The following MYH4 variants were observed in gnomAD, a reference collection of about 807,000 sequenced individuals.
MYH4 encodes the protein myosin-4.
MYH4 carries 200 observed loss-of-function variants against 229.9 expected under a neutral mutation model. The ratio of observed to expected loss-of-function variants is 0.87; its 90% confidence interval spans 0.78 to 0.98. MYH4 has a LOEUF of 0.98. Among genes scored for constraint, MYH4 ranks in the 50% least tolerant of loss-of-function variants. The pLI is 0.00. For missense variants in MYH4, 2,148 were observed against 2,332.6 expected (o/e 0.92, Z 1.63); for synonymous variants, 761 against 834.6 (o/e 0.91, Z 1.52).
intron 7 of MYH4, 101 bp from the exon 8 acceptor site, chr17:10,463,744 A>G (rs1242333378): frequency 2.3e-6 from 2 of 887,812 alleles, no homozygotes; most frequent in African/African-American, 3.4e-5. Context: ...GTATTCTGTA[A>G]CTTTGGGAAA....
At chr17:10,457,850 G>A (rs2072659440) in intron 15 of MYH4, 121 bp from the exon 16 acceptor site, 3 of 1,306,926 alleles carry the variant, frequency 2.3e-6, no homozygotes, top group Non-Finnish European at 3.1e-6. Flanking sequence ...AAATTAAATA[G>A]GCATGACATG....
Position 10,464,680 on chromosome 17 carries a change from C to T in MYH4, c.533+1G>A, listed in dbSNP as rs760024448. On this transcript the variant is annotated splice_donor_variant, in intron 6 of 39. Transcript: ENST00000255381. LOFTEE classifies it high-confidence loss of function. ...GAAAGAAAGTAACGAAATCTACATA[C>T]GTAATCAAGATTGACTGGTTTTCAC... The T allele has an allele frequency of 5.0e-6, 8 of 1,613,568 alleles. No homozygotes were observed. The highest frequency in any genetic ancestry group is 1.3e-5 in the African/African-American group (1 of 74,898).
rs1214972417 is a variant in MYH4 at position 10,450,596 on chromosome 17, C to T, written c.4038G>A (p.Leu1346=). The T allele has an allele frequency of 1.2e-6, 2 of 1,614,208 alleles. No homozygotes were observed. The highest frequency in any genetic ancestry group is 2.2e-5 in the East Asian group (1 of 44,886). The change falls in exon 30 of 40, where the codon CTG becomes CTA. Residue 1346 remains leucine, a synonymous_variant. Transcript: ENST00000255381. ...GCTCCTCCTCATACTGTTCCCGCAGCAGGTCACAGTCATGGCGGGCTGACT... is the reference window on the plus strand; with the variant it reads ...GCTCCTCCTCATACTGTTCCCGCAGTAGGTCACAGTCATGGCGGGCTGACT... The part of the protein sequence containing the change: ...ALQSARHDCD[L]LREQYEEEQE...
intron 16 of MYH4, 24 bp from the exon 17 acceptor site, chr17:10,456,579 AAAGT>A (rs768742194): frequency 6.2e-7 from 1 of 1,604,070 alleles, no homozygotes; most frequent in Non-Finnish European, 8.5e-7. Context: ...TGGGAAAAAT[AAAGT>A]TATTTGCAAC....
chr17:10,463,591 C>T lies in MYH4; in HGVS notation c.701G>A (p.Gly234Asp). The change falls in exon 8 of 40, where the codon GGC becomes GAC. Residue 234 changes from glycine to aspartate, a missense_variant. Gly to Asp is a moderately conservative substitution (Grantham distance 94, BLOSUM62 -1). Coordinates refer to ENST00000255381, the MANE Select transcript of MYH4 (RefSeq NM_017533.2). ...GTCATTCCTCACGGTCTTGGCATTG[C>T]CGAAGGCTTCCAGTAGGGGGTTAGC... ...ISANPLLEAF[G>D]NAKTVRNDNS... 2 of 1,613,864 alleles carry T rather than the reference C, an allele frequency of 1.2e-6. No individual in the cohort carries two copies. The highest frequency in any genetic ancestry group is 2.2e-5 in the East Asian group (1 of 44,872).
intron 11 of MYH4, among the ~76,000 whole-genome samples, chr17:10,462,456 T>C (rs772035839): frequency 2.0e-5 from 3 of 152,182 alleles, no homozygotes; most frequent in Non-Finnish European, 4.4e-5. Flanking sequence ...AAGGCTTATG[T>C]TTACATGTGA....
intron 23 of MYH4, 35 bp from the exon 24 acceptor site, chr17:10,453,363 A>G (rs2142218095): frequency 1.2e-6 from 2 of 1,613,816 alleles, no homozygotes; most frequent in East Asian, 4.5e-5. Flanking sequence ...AATGTCAATG[A>G]CAACGTATTA....
intron 34 of MYH4, among the ~76,000 whole-genome samples, chr17:10,447,446 T>G (rs2072524380): frequency 6.6e-6 from 1 of 152,178 alleles, no homozygotes; most frequent in Non-Finnish European, 1.5e-5. Context: ...CATGGCTAGC[T>G]CTACAAAATT....
At chr17:10,464,450 C>T (rs1157735219) in intron 7 of MYH4, 22 bp downstream of exon 7, 1 of 1,594,208 alleles carries the variant, frequency 6.3e-7, no homozygotes, top group Admixed American at 1.7e-5. Flanking sequence ...TTATTCTGTC[C>T]TTAGATGAAT....
At chr17:10,462,278 T>G (rs1193770807) in intron 11 of MYH4, among the ~76,000 whole-genome samples, 2 of 152,062 alleles carry the variant, frequency 1.3e-5, no homozygotes, top group East Asian at 3.8e-4. Context: ...GCAATAATCC[T>G]TAAAAAAGAG....
chr17:10,450,489 T>C lies in MYH4; in HGVS notation c.4145A>G (p.Asp1382Gly). 1 of 1,614,064 alleles carries C rather than the reference T, an allele frequency of 6.2e-7. No homozygotes were observed. The highest frequency in any genetic ancestry group is 1.1e-5 in the South Asian group (1 of 91,086). Reference sequence around the variant, plus strand: ...CAGCTCCTCTGTGCGCTGGATGGCGTCCGTCTCGTACTTGGTCCTCCACTG... The same window carrying C: ...CAGCTCCTCTGTGCGCTGGATGGCGCCCGTCTCGTACTTGGTCCTCCACTG... Reference protein sequence around the residue: ...VAQWRTKYETDAIQRTEELEE... With the variant: ...VAQWRTKYETGAIQRTEELEE... The change falls in exon 30 of 40, where the codon GAC becomes GGC. Residue 1382 changes from aspartate to glycine, a missense_variant. Physicochemically the swap from Asp to Gly is moderately conservative, Grantham distance 94. Coordinates refer to ENST00000255381, the MANE Select transcript of MYH4 (RefSeq NM_017533.2).
In MYH4 at chr17:10,448,620, T is replaced by C; in HGVS notation, c.4529A>G (p.Gln1510Arg). The C allele has an allele frequency of 6.2e-7, 1 of 1,613,400 alleles. No individual in the cohort carries two copies. Residue 1510 changes from glutamine (Q) to arginine (R), a missense_variant and splice_region_variant, in exon 32 of 40, where the codon CAA becomes CGA. By Grantham distance (43) the Gln-to-Arg change is conservative. Coordinates refer to ENST00000255381, the MANE Select transcript of MYH4 (RefSeq NM_017533.2). ...ATAGAATGATTACAGTGACTCACGT[T>C]GTAAGTTCTTATTCTCTCGCTTTAG... is the stretch of plus-strand genomic sequence containing the variant. ...ETLKRENKNL[Q>R]QEISDLTEQI...
At position 10,452,259 on chromosome 17, in the gene MYH4, G is replaced by C. The variant is rs553130444; in HGVS notation, c.3420C>G (p.Arg1140=). The change falls in exon 27 of 40, where the codon CGC becomes CGG. Residue 1140 remains arginine (R), a synonymous_variant. Transcript: ENST00000255381. ...CCTCCAGCTCCCGGGAGAGGTCAGA[G>C]CGCTGCTTCTCTGCTTTGGCCCGGG... The part of the protein sequence containing the change: ...RASRAKAEKQ[R]SDLSRELEEI... The C allele has an allele frequency of 6.2e-7, 1 of 1,614,042 alleles. No homozygotes were observed. The highest frequency in any genetic ancestry group is 1.7e-5 in the Admixed American group (1 of 60,032).
chr17:10,458,608 G>T (rs1202694308), intron 15 of MYH4, among the ~76,000 whole-genome samples: 1 of 152,092 alleles, frequency 6.6e-6, no homozygotes, highest in Admixed American at 6.5e-5. Context: ...ACACTTTATT[G>T]ATATCAATAA....
Position 10,451,968 on chromosome 17 carries a change from A to G in MYH4, c.3711T>C (p.Ser1237=). Residue 1237 remains serine, a synonymous_variant, in exon 27 of 40, where the codon AGT becomes AGC. Transcript: ENST00000255381. ...TGGCTTTGGAGACAGTCTCCATGTT[A>G]CTAGCAAGGTCATTGATCTCCATCT... ...ELKMEINDLA[S]NMETVSKAKA... is the part of the protein sequence containing the mutation. 6.2e-7 allele frequency: 1 copy of G among 1,612,194 alleles called. No homozygotes were observed. Among genetic ancestry groups the G allele is most frequent in the East Asian group, 2.2e-5 (1 of 44,804 alleles).
Position 10,460,580 on chromosome 17 carries a change from A to G in MYH4, c.1148-259T>C, listed in dbSNP as rs2072690488. 2.0e-5 allele frequency among the ~76,000 whole-genome samples: 3 copies of G among 152,326 alleles called. No individual in the cohort carries two copies. The South Asian group carries it at 6.2e-4, about 32-fold the overall frequency. ...AACCTGGCAAAAGTAGACCACAGAT[A>G]AAAATAATTTGAGAAACCCTAACCT... On this transcript the variant is annotated intron_variant, in intron 12 of 39. Coordinates refer to ENST00000255381, the MANE Select transcript of MYH4 (RefSeq NM_017533.2).
In MYH4 at chr17:10,462,310, G is replaced by A. The variant is rs550132365; in HGVS notation, c.1008+555C>T. Among the ~76,000 whole-genome samples the A allele has an allele frequency of 7.9e-5, 12 of 152,210 alleles. No individual in the cohort carries two copies. In the South Asian group the frequency reaches 1.9e-3, roughly 24 times the overall value. On this transcript the variant is annotated intron_variant, in intron 11 of 39. Coordinates refer to ENST00000255381, the MANE Select transcript of MYH4 (RefSeq NM_017533.2). ...AGAGGTGATGGTGGGGAGAGAGTGC[G>A]TTGTTTCAAAAATAAATATAAAGGC...
At position 10,453,895 on chromosome 17, in the gene MYH4, G is replaced by A; in HGVS notation, c.2692-10C>T. On this transcript the variant is annotated splice_polypyrimidine_tract_variant and intron_variant, in intron 22 of 39. Transcript: ENST00000255381. ...CCAAGGCATCTGCTTCCTAAAGGGA[G>A]AAATTAAGCATTTTCATTTGTCTGA... 1.9e-6 allele frequency: 3 copies of A among 1,613,388 alleles called. No homozygotes were observed. The highest frequency in any genetic ancestry group is 2.5e-6 in the Non-Finnish European group (3 of 1,179,730).
At position 10,453,192 on chromosome 17, in the gene MYH4, A is replaced by G. The variant is rs150138598; in HGVS notation, c.3071T>C (p.Leu1024Pro). The G allele has an allele frequency of 2.5e-6, 4 of 1,613,972 alleles. No individual in the cohort carries two copies. The African/African-American group carries it at 4.0e-5, about 16-fold the overall frequency. The change falls in exon 24 of 40, where the codon CTG (leucine) becomes CCG (proline). Residue 1024 changes from leucine to proline, a missense_variant. Coordinates refer to ENST00000255381, the MANE Select transcript of MYH4 (RefSeq NM_017533.2). Reference protein sequence around the residue: ...LQMEEDKVNTLTKAKTKLEQQ... With the variant: ...LQMEEDKVNTPTKAKTKLEQQ... ...TTCTAGCTTGGTTTTAGCTTTGGTCAGGGTGTTGACTTTGTCCTCCTCCAT... is the reference window on the plus strand; with the variant it reads ...TTCTAGCTTGGTTTTAGCTTTGGTCGGGGTGTTGACTTTGTCCTCCTCCAT...
Sources: allele counts gnomAD v4.1 joint callset (sites outside exome capture counted in the v4.1 genomes callset), GRCh38; gene constraint gnomAD v4.1.1; transcripts MANE v1.5; gene names NCBI Gene and HGNC (gene_info 2026-07-23, HGNC 2026-07-21).